Variants in EDA observed in about 807,000 individuals in gnomAD.
The protein encoded by EDA is ectodysplasin-A.
A neutral mutation model predicts 23.6 loss-of-function variants in EDA; 2 were observed. The observed-to-expected ratio is 0.08, with a 90% CI of 0.03 to 0.27. EDA has a LOEUF of 0.27. Among genes scored for constraint, EDA ranks in the 10% least tolerant of loss-of-function variants. EDA has a pLI of 1.00. For missense variants in EDA, 229 were observed against 324.2 expected, an observed-to-expected ratio of 0.71 and a Z score of 2.26; for synonymous variants, 131 against 132.0, an observed-to-expected ratio of 0.99 and a Z score of 0.05.
At chrX:69,677,098 G>T (rs369314783) in intron 1 of EDA, among the ~76,000 whole-genome samples, 12 of 99,035 alleles carry the variant, frequency 1.2e-4, no homozygotes, top group Admixed American at 7.9e-4. Flanking sequence ...TTGTTCTTGC[G>T]ATAGTTTACT....
chrX:69,838,028 A>G (rs773744555), intron 1 of EDA, among the ~76,000 whole-genome samples: 1 of 112,219 alleles, frequency 8.9e-6, no homozygotes, highest in Non-Finnish European at 1.9e-5. Flanking sequence ...CTCTGCCACG[A>G]TGTCTCAGCA....
intron 1 of EDA, among the ~76,000 whole-genome samples, chrX:69,816,900 C>T (rs2016093976): frequency 9.1e-6 from 1 of 110,345 alleles, no homozygotes; most frequent in Admixed American, 9.7e-5. Flanking sequence ...CCCCAAGACA[C>T]GACACATAAT....
chrX:69,686,077 C>T (rs1312739773), intron 1 of EDA, among the ~76,000 whole-genome samples: 4 of 112,095 alleles, frequency 3.6e-5, no homozygotes, highest in Admixed American at 2.8e-4. Context: ...GGCACGAACT[C>T]GGCTCACTGC....
rs745644876 is a variant in EDA, at chrX:69,940,943, T to A, written c.397-16084T>A. ...TTTCCTCTTAGTACTGCTTTCACTG[T>A]ATCCCATAGGTTCTTGTATGTTGTG... On this transcript the variant is annotated intron_variant, in intron 1 of 7. Transcript: ENST00000374552. 2.7e-5 allele frequency among the ~76,000 whole-genome samples: 3 copies of A among 112,043 alleles called. No homozygotes were observed. In the South Asian group the frequency reaches 1.1e-3, roughly 41 times the overall value.
intron 1 of EDA, among the ~76,000 whole-genome samples, chrX:69,813,531 C>A (rs1280358823): frequency 8.9e-6 from 1 of 111,865 alleles, no homozygotes; most frequent in East Asian, 2.8e-4. Context: ...TGTTTACTTT[C>A]TTAATTTTCT....
Position 69,719,377 on chromosome X carries a change from A to G in EDA, c.396+102673A>G, listed in dbSNP as rs1456214899. Among the ~76,000 whole-genome samples, 3 of 111,598 alleles carry G rather than the reference A, an allele frequency of 2.7e-5. No individual in the cohort carries two copies. In the Admixed American group the frequency reaches 2.9e-4, roughly 11 times the overall value. On this transcript the variant is annotated intron_variant, in intron 1 of 7. Transcript: ENST00000374552. ...AAAAAATTTCAATAGCTTTAAGGGT[A>G]CAAGTGATTTTTGGTTACATGGATG...
chrX:69,858,756 A>G (rs1336265554), intron 1 of EDA, among the ~76,000 whole-genome samples: 1 of 112,063 alleles, frequency 8.9e-6, no homozygotes, highest in Non-Finnish European at 1.9e-5. Context: ...AGAATGAGTT[A>G]GGGAGGAATC....
intron 1 of EDA, among the ~76,000 whole-genome samples, chrX:69,638,258 A>C (rs1323843406): frequency 8.9e-6 from 1 of 111,768 alleles, no homozygotes; most frequent in African/African-American, 3.2e-5. Flanking sequence ...AGAAATAAAC[A>C]ATCACGTTGT....
intron 1 of EDA, among the ~76,000 whole-genome samples, chrX:69,916,230 C>T: frequency 9.0e-6 from 1 of 110,800 alleles, no homozygotes; most frequent in Non-Finnish European, 1.9e-5. Context: ...GAGCCATTTT[C>T]CTTTTATGCC....
intron 1 of EDA, among the ~76,000 whole-genome samples, chrX:69,717,252 G>A (rs967681348): frequency 9.0e-6 from 1 of 110,806 alleles, no homozygotes; most frequent in Non-Finnish European, 1.9e-5. Context: ...TCAATACCTA[G>A]GTTATTGAGA....
chrX:69,900,934 T>G (rs1393481163), intron 1 of EDA, among the ~76,000 whole-genome samples: 2 of 111,278 alleles, frequency 1.8e-5, no homozygotes, highest in African/African-American at 6.5e-5. Flanking sequence ...TATGGTGGGG[T>G]GGGTCTATAG....
chrX:69,636,609 A>G (rs1327347), intron 1 of EDA, among the ~76,000 whole-genome samples: 56,343 of 104,877 alleles, frequency 0.54, 12,865 homozygotes, highest in East Asian at 0.98. Context: ...CACGCACACC[A>G]TAGGTGCTCA....
At chrX:69,997,023 T>C (rs957521366) in intron 2 of EDA, among the ~76,000 whole-genome samples, 1 of 111,333 alleles carries the variant, frequency 9.0e-6, no homozygotes, top group Non-Finnish European at 1.9e-5. Flanking sequence ...ATCAGCACCA[T>C]GAAATGGACT....
chrX:69,828,094 T>G (rs1405140655), intron 1 of EDA, among the ~76,000 whole-genome samples: 1 of 110,722 alleles, frequency 9.0e-6, no homozygotes, highest in Non-Finnish European at 1.9e-5. Context: ...GAACCACTGC[T>G]CTCTTCAAAG....
chrX:69,947,827 A>G (rs2018856658), intron 1 of EDA, among the ~76,000 whole-genome samples: 1 of 112,637 alleles, frequency 8.9e-6, no homozygotes, highest in Non-Finnish European at 1.9e-5. Context: ...ATGAGGATCA[A>G]TTCAGTAAGC....
At chrX:69,998,997 T>G (rs1321231215) in intron 2 of EDA, among the ~76,000 whole-genome samples, 1 of 111,863 alleles carries the variant, frequency 8.9e-6, no homozygotes, top group Non-Finnish European at 1.9e-5. Flanking sequence ...CTCCCAGACT[T>G]TGTTTCTTAT....
At chrX:69,787,115 C>T (rs1334470648) in intron 1 of EDA, among the ~76,000 whole-genome samples, 1 of 101,088 alleles carries the variant, frequency 9.9e-6, no homozygotes, top group Admixed American at 1.1e-4. Flanking sequence ...GATTGCAACC[C>T]CTGCCTTTTT....
At chrX:69,830,740 G>A (rs986338635) in intron 1 of EDA, among the ~76,000 whole-genome samples, 1 of 112,120 alleles carries the variant, frequency 8.9e-6, no homozygotes, top group Non-Finnish European at 1.9e-5. Context: ...AAATGATTCA[G>A]TAGCTAACTG....
intron 1 of EDA, among the ~76,000 whole-genome samples, chrX:69,771,232 G>A (rs1467740815): frequency 9.1e-6 from 1 of 109,627 alleles, no homozygotes; most frequent in East Asian, 2.9e-4. Flanking sequence ...TAATTTTTTT[G>A]TATTTTTAGT....
Sources: allele counts gnomAD v4.1 joint callset (sites outside exome capture counted in the v4.1 genomes callset), GRCh38; gene constraint gnomAD v4.1.1; transcripts MANE v1.5; gene names NCBI Gene and HGNC (gene_info 2026-07-23, HGNC 2026-07-21).